Variants in ELOA2 observed in about 807,000 individuals in gnomAD.
ELOA2 encodes the protein elongin A2.
For missense variants in ELOA2, 1,271 were observed against 979.7 expected, an observed-to-expected ratio of 1.30 and a Z score of -3.97; for synonymous variants, 497 against 398.8, an observed-to-expected ratio of 1.25 and a Z score of -2.94.
Position 47,035,303 on chromosome 18 carries a change from G to T in ELOA2, c.-39C>A, listed in dbSNP as rs571463925. 11 of 1,611,302 alleles carry T rather than the reference G, an allele frequency of 6.8e-6. No individual in the cohort carries two copies. In the Admixed American group the frequency reaches 1.8e-4, roughly 27 times the overall value. On this transcript the variant is annotated 5_prime_UTR_variant, in exon 1 of 1. Transcript: ENST00000332567. ...TGCAGGCGTCGCTGTCCCGGCGGTC[G>T]CAGCTCTGTCTTTGGGGCTGCGGGA...
chr18:47,034,485 C>T lies in ELOA2; in HGVS notation c.780G>A (p.Glu260=). Residue 260 remains glutamate (E), a synonymous_variant, in exon 1 of 1, where the codon GAG becomes GAA. Transcript: ENST00000332567. ...CCCAGGAGGGCATCCTTGGGGTTTC[C>T]TCTCTTAAGCAGGCCCCGCATGATT... The part of the protein sequence containing the change: ...REKSCGACLR[E]ETPRMPSWAS... The T allele has an allele frequency of 1.9e-6, 3 of 1,614,148 alleles. No homozygotes were observed. The highest frequency in any genetic ancestry group is 2.5e-6 in the Non-Finnish European group (3 of 1,180,016).
Position 47,033,011 on chromosome 18 carries a change from G to T in ELOA2, c.2254C>A (p.Arg752=), listed in dbSNP as rs369675732. Reference sequence around the variant, plus strand: ...CAAGGCAAGTCCTGAGTTTATCGTCGGGAGAATCTTCTCTTGTAGTCTCGA... The same window carrying T: ...CAAGGCAAGTCCTGAGTTTATCGTCTGGAGAATCTTCTCTTGTAGTCTCGA... ...AIRDYKRRFS[R]R Residue 752 remains arginine, a synonymous_variant, in exon 1 of 1, where the codon CGA becomes AGA. Transcript: ENST00000332567. 8 of 1,613,966 alleles carry T rather than the reference G, an allele frequency of 5.0e-6. 1 individual carries two copies. The African/African-American group carries it at 6.7e-5, about 13-fold the overall frequency.
Position 47,033,095 on chromosome 18 carries a change from C to T in ELOA2, c.2170G>A (p.Ala724Thr). Residue 724 changes from alanine to threonine, a missense_variant, in exon 1 of 1, where the codon GCG (alanine) becomes ACG (threonine). By Grantham distance (58) the Ala-to-Thr change is moderately conservative. Coordinates refer to ENST00000332567, the MANE Select transcript of ELOA2 (RefSeq NM_016427.3). The stretch of plus-strand genomic sequence containing the variant: ...GCAGCCTGTTTCCGGGTTTTGGCCG[C>T]GGGCGCCGCGTGCTCATTGCTGCTG... ...LSSSNEHAAP[A>T]AKTRKQAAKK... 4 of 1,614,072 alleles carry T rather than the reference C, an allele frequency of 2.5e-6. No homozygotes were observed. In the African/African-American group the frequency reaches 4.0e-5, roughly 16 times the overall value.
At position 47,035,274 on chromosome 18, in the gene ELOA2, G is replaced by C; in HGVS notation, c.-10C>G. The stretch of plus-strand genomic sequence containing the variant: ...TGGACCCTGCCGCCATCTCACCAGA[G>C]CTGTGCAGGCGTCGCTGTCCCGGCG... On this transcript the variant is annotated 5_prime_UTR_variant, in exon 1 of 1. Transcript: ENST00000332567. The C allele has an allele frequency of 6.2e-7, 1 of 1,612,528 alleles. No homozygotes were observed. Among genetic ancestry groups the C allele is most frequent in the Non-Finnish European group, 8.5e-7 (1 of 1,179,854 alleles).
At position 47,035,050 on chromosome 18, in the gene ELOA2, C is replaced by T. The variant is rs748469482; in HGVS notation, c.215G>A (p.Arg72Gln). Residue 72 changes from arginine to glutamine, a missense_variant, in exon 1 of 1, where the codon CGG (arginine) becomes CAG (glutamine). Physicochemically the swap from Arg to Gln is conservative, Grantham distance 43. Transcript: ENST00000332567. ...GTCCACGAGCACCAGCTTCTTCCAC[C>T]GGGCCGCTAAGTCTCTGGCAAAGTC... ...VGDFARDLAA[R>Q]WKKLVLVDRN... 4.3e-6 allele frequency: 7 copies of T among 1,611,740 alleles called. No homozygotes were observed. The highest frequency in any genetic ancestry group is 2.7e-5 in the African/African-American group (2 of 74,862).
At position 47,033,960 on chromosome 18, in the gene ELOA2, T is replaced by C; in HGVS notation, c.1305A>G (p.Glu435=). The change falls in exon 1 of 1, where the codon GAA becomes GAG. Residue 435 remains glutamate, a synonymous_variant. Coordinates refer to ENST00000332567, the MANE Select transcript of ELOA2 (RefSeq NM_016427.3). Reference sequence around the variant, plus strand: ...CCGCCTGCAGCCTCTCTGACTGGCTTTCCTGGACAGGAGGCAATTTCTTAG... The same window carrying C: ...CCGCCTGCAGCCTCTCTGACTGGCTCTCCTGGACAGGAGGCAATTTCTTAG... ...DSAKKLPPVQ[E]SQSERLQAAG... The C allele has an allele frequency of 2.5e-6, 4 of 1,613,236 alleles. No homozygotes were observed. The highest frequency in any genetic ancestry group is 3.4e-6 in the Non-Finnish European group (4 of 1,180,028).
In ELOA2 at chr18:47,033,627, G is replaced by T. The variant is rs754698908; in HGVS notation, c.1638C>A (p.Asp546Glu). Residue 546 changes from aspartate (D) to glutamate (E), a missense_variant, in exon 1 of 1, where the codon GAC (aspartate) becomes GAA (glutamate). Asp to Glu is a conservative substitution (Grantham distance 45). Coordinates refer to ENST00000332567, the MANE Select transcript of ELOA2 (RefSeq NM_016427.3). Reference sequence around the variant, plus strand: ...GAACCCAGTAGGGGACCTCTCCCACGTCGCTGAGGGCGTCCGGATTGTTTC... The same window carrying T: ...GAACCCAGTAGGGGACCTCTCCCACTTCGCTGAGGGCGTCCGGATTGTTTC... ...VLRNNPDALS[D>E]VGEVPYWVLE... 4.3e-6 allele frequency: 7 copies of T among 1,614,168 alleles called. No homozygotes were observed. In the East Asian group the frequency reaches 1.6e-4, roughly 36 times the overall value.
rs763196399 is a variant in ELOA2 at position 47,033,612 on chromosome 18, G to C, written c.1653C>G (p.Pro551=). The change falls in exon 1 of 1, where the codon CCC becomes CCG. Residue 551 remains proline, a synonymous_variant. Coordinates refer to ENST00000332567, the MANE Select transcript of ELOA2 (RefSeq NM_016427.3). ...CCAGAACAGGTTCAAGAACCCAGTA[G>C]GGGACCTCTCCCACGTCGCTGAGGG... ...PDALSDVGEV[P]YWVLEPVLEG... The C allele has an allele frequency of 6.8e-6, 11 of 1,614,088 alleles. No individual in the cohort carries two copies. Among genetic ancestry groups the C allele is most frequent in the Non-Finnish European group, 7.6e-6 (9 of 1,180,042 alleles).
At position 47,033,186 on chromosome 18, in the gene ELOA2, A is replaced by G; in HGVS notation, c.2079T>C (p.Gly693=). ...HTPSSQSSSG[G]GRDSSSSILR... ...GGATGCTGCTGCTGCTGTCTCTGCCACCGCCGCTGCTGCTCTGGCTGGAGG... is the reference window on the plus strand; with the variant it reads ...GGATGCTGCTGCTGCTGTCTCTGCCGCCGCCGCTGCTGCTCTGGCTGGAGG... Residue 693 remains glycine (G), a synonymous_variant, in exon 1 of 1, where the codon GGT becomes GGC. Transcript: ENST00000332567. 2.5e-6 allele frequency: 4 copies of G among 1,613,892 alleles called. No homozygotes were observed. The South Asian group carries it at 4.4e-5, about 18-fold the overall frequency.
rs778447573 is a variant in ELOA2, at chr18:47,035,054, C to T, written c.211G>A (p.Ala71Thr). ...HVGDFARDLA[A>T]RWKKLVLVDR... ...ACGAGCACCAGCTTCTTCCACCGGG[C>T]CGCTAAGTCTCTGGCAAAGTCGCCC... is the stretch of plus-strand genomic sequence containing the variant. The change falls in exon 1 of 1, where the codon GCC becomes ACC. Residue 71 changes from alanine to threonine, a missense_variant. Transcript: ENST00000332567. 1.2e-6 allele frequency: 2 copies of T among 1,611,750 alleles called. No individual in the cohort carries two copies. The highest frequency in any genetic ancestry group is 2.2e-5 in the East Asian group (1 of 44,894).
At position 47,034,784 on chromosome 18, in the gene ELOA2, C is replaced by G. The variant is rs1269178201; in HGVS notation, c.481G>C (p.Ala161Pro). The G allele has an allele frequency of 6.2e-7, 1 of 1,612,378 alleles. No individual in the cohort carries two copies. The highest frequency in any genetic ancestry group is 8.5e-7 in the Non-Finnish European group (1 of 1,179,720). ...CGATAGCGGCCGGAATCAGCTGGGG[C>G]TATTCTGGGGCACTTTCTCTCAGCT... ...PRAERKCPRIAPADSGRYRAS... is the reference protein window; with the variant it reads ...PRAERKCPRIPPADSGRYRAS... The change falls in exon 1 of 1, where the codon GCC (alanine) becomes CCC (proline). Residue 161 changes from alanine (A) to proline (P), a missense_variant. Physicochemically the swap from Ala to Pro is conservative, Grantham distance 27 (BLOSUM62 -1). Transcript: ENST00000332567.
chr18:47,033,681 C>T lies in ELOA2; in HGVS notation c.1584G>A (p.Thr528=), dbSNP rs752339956. The change falls in exon 1 of 1, where the codon ACG becomes ACA. Residue 528 remains threonine, a synonymous_variant. Transcript: ENST00000332567. ...SRPACQLQVP[T]LRQQCAQVLR... Reference sequence around the variant, plus strand: ...GCACCTGGGCACACTGCTGGCGCAGCGTCGGCACCTGGAGCTGGCAGGCAG... The same window carrying T: ...GCACCTGGGCACACTGCTGGCGCAGTGTCGGCACCTGGAGCTGGCAGGCAG... 3 of 1,614,200 alleles carry T rather than the reference C, an allele frequency of 1.9e-6. No homozygotes were observed. Among genetic ancestry groups the T allele is most frequent in the South Asian group, 1.1e-5 (1 of 91,086 alleles).
Position 47,033,339 on chromosome 18 carries a change from G to C in ELOA2, c.1926C>G (p.Ile642Met). 6.2e-7 allele frequency: 1 copy of C among 1,613,944 alleles called. No individual in the cohort carries two copies. Among genetic ancestry groups the C allele is most frequent in the South Asian group, 1.1e-5 (1 of 91,072 alleles). ...NNPNGREAKM[I>M]CFKSVAKTPY... The stretch of plus-strand genomic sequence containing the variant: ...GCGTCTTGGCCACAGATTTGAAACA[G>C]ATCATCTTTGCCTCTCTGCCGTTGG... Residue 642 changes from isoleucine to methionine, a missense_variant, in exon 1 of 1, where the codon ATC becomes ATG. Coordinates refer to ENST00000332567, the MANE Select transcript of ELOA2 (RefSeq NM_016427.3).
rs377107556 is a variant in ELOA2, at chr18:47,033,462, G to A, written c.1803C>T (p.Asn601=). 3 of 1,613,912 alleles carry A rather than the reference G, an allele frequency of 1.9e-6. No homozygotes were observed. In the African/African-American group the frequency reaches 4.0e-5, roughly 22 times the overall value. The change falls in exon 1 of 1, where the codon AAC becomes AAT. Residue 601 remains asparagine, a synonymous_variant. Coordinates refer to ENST00000332567, the MANE Select transcript of ELOA2 (RefSeq NM_016427.3). The stretch of plus-strand genomic sequence containing the variant: ...GCAGGTACTGCTCCCTCCAAGTTTT[G>A]TTTTCCTGTGGCTTTTCTTCCTTGA... ...QDFKEEKPQE[N]KTWREQYLRL...
rs757925387 is a variant in ELOA2, at chr18:47,034,051, G to T, written c.1214C>A (p.Thr405Asn). 22 of 1,614,098 alleles carry T rather than the reference G, an allele frequency of 1.4e-5. No individual in the cohort carries two copies. Among genetic ancestry groups the T allele is most frequent in the Admixed American group, 6.7e-5 (4 of 60,014 alleles). Reference sequence around the variant, plus strand: ...TTTCCTTTGTTTATCTCCAAGTGCAGTGGTGGCAGATTTTCCAGTCTTTTT... The same window carrying T: ...TTTCCTTTGTTTATCTCCAAGTGCATTGGTGGCAGATTTTCCAGTCTTTTT... ...QKKKTGKSAT[T>N]ALGDKQRKAN... The change falls in exon 1 of 1, where the codon ACT becomes AAT. Residue 405 changes from threonine to asparagine, a missense_variant. Coordinates refer to ENST00000332567, the MANE Select transcript of ELOA2 (RefSeq NM_016427.3).
chr18:47,033,700 C>G lies in ELOA2; in HGVS notation c.1565G>C (p.Cys522Ser). 1 of 1,614,196 alleles carries G rather than the reference C, an allele frequency of 6.2e-7. No homozygotes were observed. The highest frequency in any genetic ancestry group is 1.7e-4 in the Middle Eastern group (1 of 6,060). The stretch of plus-strand genomic sequence containing the variant: ...GCGCAGCGTCGGCACCTGGAGCTGG[C>G]AGGCAGGCCTGGAGCCCGAGTACAC... ...MPVYSGSRPA[C>S]QLQVPTLRQQ... Residue 522 changes from cysteine (C) to serine (S), a missense_variant, in exon 1 of 1, where the codon TGC (cysteine) becomes TCC (serine). Physicochemically the swap from Cys to Ser is moderately radical, Grantham distance 112. Transcript: ENST00000332567.
chr18:47,033,707 G>T lies in ELOA2; in HGVS notation c.1558C>A (p.Pro520Thr), dbSNP rs202182645. ...GTCGGCACCTGGAGCTGGCAGGCAG[G>T]CCTGGAGCCCGAGTACACCGGCATC... ...AKMPVYSGSR[P>T]ACQLQVPTLR... Residue 520 changes from proline (P) to threonine (T), a missense_variant, in exon 1 of 1, where the codon CCT becomes ACT. By Grantham distance (38) the Pro-to-Thr change is conservative. Coordinates refer to ENST00000332567, the MANE Select transcript of ELOA2 (RefSeq NM_016427.3). The T allele has an allele frequency of 4.3e-5, 69 of 1,614,072 alleles. 1 individual carries two copies. Among genetic ancestry groups the T allele is most frequent in the Non-Finnish European group, 5.2e-5 (61 of 1,180,036 alleles).
At position 47,033,986 on chromosome 18, in the gene ELOA2, C is replaced by G. The variant is rs943179442; in HGVS notation, c.1279G>C (p.Ala427Pro). 1 of 1,613,494 alleles carries G rather than the reference C, an allele frequency of 6.2e-7. No homozygotes were observed. The highest frequency in any genetic ancestry group is 8.5e-7 in the Non-Finnish European group (1 of 1,180,046). Residue 427 changes from alanine (A) to proline (P), a missense_variant, in exon 1 of 1, where the codon GCT (alanine) becomes CCT (proline). Ala to Pro is a conservative substitution (Grantham distance 27, BLOSUM62 -1). Coordinates refer to ENST00000332567, the MANE Select transcript of ELOA2 (RefSeq NM_016427.3). ...TCCTGGACAGGAGGCAATTTCTTAG[C>G]CGAATCCCAGGACTCACGAGTGCCC... ...SKGTRESWDSAKKLPPVQESQ... is the reference protein window; with the variant it reads ...SKGTRESWDSPKKLPPVQESQ...
Position 47,032,906 on chromosome 18 carries a change from G to T in ELOA2, c.*97C>A. 1 of 1,601,832 alleles carries T rather than the reference G, an allele frequency of 6.2e-7. No individual in the cohort carries two copies. ...AGGCTCAACTTTGCACCAAGTTAAA[G>T]GTTCTGGTGTCCATTGGAAGTTTCG... On this transcript the variant is annotated 3_prime_UTR_variant, in exon 1 of 1. Coordinates refer to ENST00000332567, the MANE Select transcript of ELOA2 (RefSeq NM_016427.3).
Sources: allele counts gnomAD v4.1 joint callset, GRCh38; gene constraint gnomAD v4.1.1; transcripts MANE v1.5; gene names NCBI Gene and HGNC (gene_info 2026-07-23, HGNC 2026-07-21).